Variants in PAN3 observed in about 807,000 individuals in gnomAD.
The protein encoded by PAN3 is poly(A) specific ribonuclease subunit PAN3, also known as PAN2-PAN3 deadenylation complex subunit PAN3.
A neutral mutation model predicts 96.2 loss-of-function variants in PAN3; 19 were observed. That is an observed-to-expected ratio of 0.20 (90% CI 0.14 to 0.29). The LOEUF (loss-of-function observed/expected upper bound fraction) is 0.29. Among genes scored for constraint, PAN3 ranks in the 10% least tolerant of loss-of-function variants. PAN3 has a pLI of 1.00. For synonymous variants in PAN3, 433 were observed against 406.6 expected, an observed-to-expected ratio of 1.06 and a Z score of -0.78; for missense variants, 882 against 1,108.1, an observed-to-expected ratio of 0.80 and a Z score of 2.90.
intron 15 of PAN3, among the ~76,000 whole-genome samples, chr13:28,278,842 C>T (rs369254964): frequency 1.6e-4 from 24 of 151,942 alleles, no homozygotes; most frequent in African/African-American, 5.1e-4. Context: ...TCCATACTTA[C>T]GGATGAATTG....
In PAN3 at chr13:28,197,283, G is replaced by A. The variant is rs773655572; in HGVS notation, c.789G>A (p.Arg263=). The A allele has an allele frequency of 1.2e-6, 2 of 1,612,416 alleles. No homozygotes were observed. Among genetic ancestry groups the A allele is most frequent in the Non-Finnish European group, 8.5e-7 (1 of 1,179,180 alleles). Reference sequence around the variant, plus strand: ...ACCCTATTGGCTGCCTTGCTGACAGGTGTAAATCAGGAGTACCCATCAATA... The same window carrying A: ...ACCCTATTGGCTGCCTTGCTGACAGATGTAAATCAGGAGTACCCATCAATA... ...AKNPIGCLAD[R]CKSGVPINMV... Residue 263 remains arginine, a synonymous_variant, in exon 5 of 19, where the codon AGG becomes AGA. Coordinates refer to ENST00000380958, the MANE Select transcript of PAN3 (RefSeq NM_175854.8).
intron 6 of PAN3, among the ~76,000 whole-genome samples, chr13:28,246,946 T>C (rs1884251502): frequency 6.6e-6 from 1 of 152,218 alleles, no homozygotes; most frequent in East Asian, 1.9e-4. Flanking sequence ...AGCAGTGGGA[T>C]TGCTGGATCA....
chr13:28,230,027 A>G (rs1273100360), intron 6 of PAN3, among the ~76,000 whole-genome samples: 1 of 151,906 alleles, frequency 6.6e-6, no homozygotes, highest in African/African-American at 2.4e-5. Flanking sequence ...CTGAGAGCTA[A>G]GAACACAAAG....
rs755129827 is a variant in PAN3, at chr13:28,270,836, C to T, written c.1928C>T (p.Pro643Leu). The T allele has an allele frequency of 1.1e-5, 18 of 1,613,624 alleles. No homozygotes were observed. In the South Asian group the frequency reaches 1.9e-4, roughly 17 times the overall value. Residue 643 changes from proline (P) to leucine (L), a missense_variant, in exon 13 of 19, where the codon CCA becomes CTA. Transcript: ENST00000380958. ...GGTTTGGCATGTCGAGTTATGGATC[C>T]AACAAAGATTCTGATAACTGGCAAA... ...TAGLACRVMD[P>L]TKILITGKTR...
intron 1 of PAN3, among the ~76,000 whole-genome samples, chr13:28,153,330 G>A (rs1008227290): frequency 3.4e-5 from 5 of 149,226 alleles, no homozygotes; most frequent in African/African-American, 1.2e-4. Flanking sequence ...CAGCATCCTG[G>A]GTTCAAGCGA....
chr13:28,278,072 C>T (rs1051618258), intron 15 of PAN3, among the ~76,000 whole-genome samples: 1 of 152,256 alleles, frequency 6.6e-6, no homozygotes, highest in African/African-American at 2.4e-5. Context: ...ACCTTTATTA[C>T]AGTTATGAGC....
chr13:28,257,837 G>A (rs1885342242), intron 7 of PAN3, among the ~76,000 whole-genome samples: 1 of 144,242 alleles, frequency 6.9e-6, no homozygotes, highest in African/African-American at 2.6e-5. Flanking sequence ...TTTTGAGATG[G>A]ATGTTCGCTA....
At chr13:28,185,951 T>C (rs1386092513) in intron 4 of PAN3, among the ~76,000 whole-genome samples, 1 of 152,154 alleles carries the variant, frequency 6.6e-6, no homozygotes, top group Non-Finnish European at 1.5e-5. Flanking sequence ...AGGAGGTAGG[T>C]ATGGGGAATG....
chr13:28,215,836 A>T, intron 5 of PAN3: 1 of 1,401,948 alleles, frequency 7.1e-7, no homozygotes, highest in Non-Finnish European at 1.0e-6. Context: ...GCAGTGGACA[A>T]GAAGGCTGCT....
chr13:28,282,087 T>C (rs1439465641), intron 17 of PAN3, among the ~76,000 whole-genome samples: 1 of 152,204 alleles, frequency 6.6e-6, no homozygotes, highest in Non-Finnish European at 1.5e-5. Context: ...AAAGTATACT[T>C]TTTATAGCCA....
intron 4 of PAN3, among the ~76,000 whole-genome samples, chr13:28,180,651 C>G (rs1566163981): frequency 6.6e-6 from 1 of 152,094 alleles, no homozygotes; most frequent in Non-Finnish European, 1.5e-5. Flanking sequence ...TATAGGAGAA[C>G]AAATAATTAA....
At chr13:28,238,487 A>G (rs1883301863) in intron 6 of PAN3, among the ~76,000 whole-genome samples, 1 of 152,226 alleles carries the variant, frequency 6.6e-6, no homozygotes, top group East Asian at 1.9e-4. Context: ...GGTCACTACT[A>G]TATTGTATTT....
intron 14 of PAN3, among the ~76,000 whole-genome samples, chr13:28,273,769 A>G (rs1886832769): frequency 6.6e-6 from 1 of 152,204 alleles, no homozygotes; most frequent in African/African-American, 2.4e-5. Context: ...GGTTTTTTGA[A>G]CATTTATTAA....
intron 4 of PAN3, among the ~76,000 whole-genome samples, chr13:28,194,824 A>G (rs992444960): frequency 6.6e-6 from 1 of 152,164 alleles, no homozygotes; most frequent in Non-Finnish European, 1.5e-5. Context: ...ACTGTATGTC[A>G]GAGCCTTGTA....
At chr13:28,143,001 A>G (rs1870067109) in intron 1 of PAN3, among the ~76,000 whole-genome samples, 1 of 152,068 alleles carries the variant, frequency 6.6e-6, no homozygotes, top group Non-Finnish European at 1.5e-5. Flanking sequence ...CTTTATCTTT[A>G]TTTTGCAGCC....
At chr13:28,173,186 A>T (rs937831395) in intron 1 of PAN3, among the ~76,000 whole-genome samples, 1 of 152,232 alleles carries the variant, frequency 6.6e-6, no homozygotes, top group African/African-American at 2.4e-5. Context: ...ATGAGCACAT[A>T]GCTCAAAGTG....
At chr13:28,138,503 C>T (rs1269285461), upstream of PAN3, 4 of 339,126 alleles carry the variant, frequency 1.2e-5, no homozygotes, top group Non-Finnish European at 1.6e-5. Context: ...TCCCCTCCCC[C>T]TTCTCCCCGG....
intron 17 of PAN3, among the ~76,000 whole-genome samples, chr13:28,283,611 A>C (rs1566259972): frequency 7.9e-5 from 12 of 152,220 alleles, no homozygotes; most frequent in Admixed American, 7.2e-4. Flanking sequence ...TTTTATCATA[A>C]CAGCGTGTTT....
At chr13:28,228,854 A>G (rs1882262675) in intron 6 of PAN3, among the ~76,000 whole-genome samples, 1 of 152,158 alleles carries the variant, frequency 6.6e-6, no homozygotes, top group East Asian at 1.9e-4. Flanking sequence ...GTGTAAGTTA[A>G]ACTGCCCAAA....
Sources: allele counts gnomAD v4.1 joint callset (sites outside exome capture counted in the v4.1 genomes callset), GRCh38; gene constraint gnomAD v4.1.1; transcripts MANE v1.5; gene names NCBI Gene and HGNC (gene_info 2026-07-23, HGNC 2026-07-21).